The following HS1BP3 variants were observed in gnomAD, a reference collection of about 807,000 sequenced individuals.
HS1BP3 encodes HCLS1 binding protein 3, also known as HCLS1-binding protein 3.
HS1BP3 carries 32 observed loss-of-function variants against 33.5 expected under a neutral mutation model. The ratio of observed to expected loss-of-function variants is 0.95; its 90% CI spans 0.72 to 1.28. HS1BP3 has a LOEUF of 1.28. HS1BP3 is among the 50% of genes most tolerant of loss of function. The pLI is 0.00. For missense variants in HS1BP3, 486 were observed against 502.3 expected (o/e 0.97, Z 0.31); for synonymous variants, 187 against 209.2 (o/e 0.89, Z 0.92).
At chr2:20,569,906 C>T (rs1693224606) in intron 5 of HS1BP3, among the ~76,000 whole-genome samples, 1 of 152,260 alleles carries the variant, frequency 6.6e-6, no homozygotes, top group Non-Finnish European at 1.5e-5. Context: ...CTCCCCAGCC[C>T]CCAACAGTCT....
At chr2:20,569,093 C>T (rs1292465580) in intron 5 of HS1BP3, among the ~76,000 whole-genome samples, 2 of 152,104 alleles carry the variant, frequency 1.3e-5, no homozygotes, top group Admixed American at 6.5e-5. Context: ...AGCTCAGCCG[C>T]AGCCCAGCCC....
intron 5 of HS1BP3, among the ~76,000 whole-genome samples, chr2:20,582,639 C>T (rs1387785164): frequency 6.6e-6 from 1 of 152,100 alleles, no homozygotes; most frequent in Admixed American, 6.5e-5. Flanking sequence ...GGGGACCCCA[C>T]CCACCCTCTT....
At position 20,641,246 on chromosome 2, in the gene HS1BP3, G is replaced by A. The variant is rs549309946; in HGVS notation, c.199-66C>T. On this transcript the variant is annotated intron_variant, in intron 2 of 6. Coordinates refer to ENST00000304031, the MANE Select transcript of HS1BP3 (RefSeq NM_022460.4). ...GCAGGCAGTGCTCCTTTCTCACCCC[G>A]ACCAGGGGTTCCCAAGGCCCAGCAG... The A allele has an allele frequency of 2.5e-5, 36 of 1,425,332 alleles. No individual in the cohort carries two copies. In the African/African-American group the frequency reaches 2.7e-4, roughly 11 times the overall value. 88.3% of individuals were successfully genotyped at this position (1,425,332 alleles called of 1,614,324 possible). A position where few individuals can be genotyped will look rare whatever the true frequency, so the allele number is the denominator to read the frequency against.
chr2:20,568,411 C>T (rs933499763), intron 5 of HS1BP3, among the ~76,000 whole-genome samples: 4 of 152,064 alleles, frequency 2.6e-5, no homozygotes, highest in East Asian at 1.9e-4. Context: ...TGGAGCCGGG[C>T]GGGTAATGGA....
intron 2 of HS1BP3, among the ~76,000 whole-genome samples, chr2:20,608,171 T>C (rs1310688678): frequency 1.3e-5 from 2 of 152,358 alleles, no homozygotes; most frequent in South Asian, 2.1e-4. Context: ...TGTAAGATCA[T>C]GTCATCTGCA....
At chr2:20,613,177 AG>A, downstream of HS1BP3, among the ~76,000 whole-genome samples, 2 of 152,350 alleles carry the variant, frequency 1.3e-5, no homozygotes, top group Middle Eastern at 3.4e-3. Context: ...AGCACTTGTT[AG>A]GGGAAAATCA....
intron 5 of HS1BP3, among the ~76,000 whole-genome samples, chr2:20,573,085 C>A (rs1453753248): frequency 6.6e-6 from 1 of 152,190 alleles, no homozygotes; most frequent in African/African-American, 2.4e-5. Flanking sequence ...GAATGGTGTC[C>A]ACCCAAAAGA....
intron 1 of HS1BP3, among the ~76,000 whole-genome samples, chr2:20,650,457 C>G (rs1695657856): frequency 1.3e-5 from 2 of 152,228 alleles, no homozygotes; most frequent in Admixed American, 6.5e-5. Flanking sequence ...CTTGCGCTCT[C>G]CTGAGCTGCC....
chr2:20,618,922 T>C lies in HS1BP3; in HGVS notation c.*65A>G. The stretch of plus-strand genomic sequence containing the variant: ...GAGGTTCTGACCCTGCAGGGCCCAG[T>C]CCCTTCCCTTCACACCGATGTCCCC... On this transcript the variant is annotated 3_prime_UTR_variant, in exon 7 of 7. Coordinates refer to ENST00000304031, the MANE Select transcript of HS1BP3 (RefSeq NM_022460.4). The C allele has an allele frequency of 6.4e-7, 1 of 1,553,218 alleles. No homozygotes were observed. The highest frequency in any genetic ancestry group is 8.7e-7 in the Non-Finnish European group (1 of 1,149,570).
chr2:20,651,086 G>A lies in HS1BP3; in HGVS notation c.-23C>T. On this transcript the variant is annotated 5_prime_UTR_variant, in exon 1 of 7. Transcript: ENST00000304031. ...CATGACGGCGGCGGGGACTCCGGGC[G>A]GGGCGCGCAGTCACGGGACCCGGCA... is the stretch of plus-strand genomic sequence containing the variant. 3.3e-6 allele frequency: 4 copies of A among 1,229,452 alleles called. No individual in the cohort carries two copies. The highest frequency in any genetic ancestry group is 4.1e-6 in the Non-Finnish European group (4 of 986,276). The allele number at this position is 1,229,452 out of a possible 1,614,324, so 76.2% of individuals were successfully genotyped here.
downstream of HS1BP3, among the ~76,000 whole-genome samples, chr2:20,613,225 C>T (rs755482272): frequency 1.8e-4 from 27 of 152,212 alleles, no homozygotes; most frequent in Admixed American, 5.9e-4. Context: ...AAAACAGAAA[C>T]ACACTGTGGA....
chr2:20,637,028 G>GGCA (rs146650342), intron 4 of HS1BP3: 1 of 23,976 alleles, frequency 4.2e-5, no homozygotes, highest in Non-Finnish European at 1.1e-4. Flanking sequence ...GGAGGGGGCT[G>GGCA]CCCCCGCCCC....
chr2:20,641,317 G>T, intron 2 of HS1BP3, 137 bp from the exon 3 acceptor site: 1 of 705,150 alleles, frequency 1.4e-6, no homozygotes, highest in Non-Finnish European at 2.4e-6. Context: ...CCCTCTGCCT[G>T]TCTCCCAGCC....
intron 1 of HS1BP3, among the ~76,000 whole-genome samples, chr2:20,646,598 C>T (rs574725400): frequency 8.5e-5 from 13 of 152,382 alleles, no homozygotes; most frequent in Admixed American, 2.6e-4. Context: ...TATCCTCCCG[C>T]GGCGTAGGGC....
intron 3 of HS1BP3, chr2:20,592,853 T>C (rs1693850608): frequency 6.6e-6 from 1 of 152,264 alleles, no homozygotes; most frequent in Admixed American, 6.5e-5. Flanking sequence ...TTGAGATCCT[T>C]AATTTAATTT....
At chr2:20,558,435 C>T (rs948707517), downstream of HS1BP3, among the ~76,000 whole-genome samples, 4 of 152,156 alleles carry the variant, frequency 2.6e-5, no homozygotes, top group African/African-American at 9.7e-5. Flanking sequence ...CCTTATTGAG[C>T]ATCTTTGAGG....
chr2:20,628,285 G>T (rs1178490258), intron 4 of HS1BP3, among the ~76,000 whole-genome samples: 1 of 152,190 alleles, frequency 6.6e-6, no homozygotes, highest in African/African-American at 2.4e-5. Flanking sequence ...GCAGAGCAGG[G>T]TCACATAGAA....
At chr2:20,555,570 C>T (rs964493481), downstream of HS1BP3, among the ~76,000 whole-genome samples, 5 of 152,080 alleles carry the variant, frequency 3.3e-5, no homozygotes, top group Non-Finnish European at 7.4e-5. Flanking sequence ...AGACGAAAGC[C>T]CCAGAGGGAG....
downstream of HS1BP3, among the ~76,000 whole-genome samples, chr2:20,559,968 T>C (rs781045270): frequency 1.3e-5 from 2 of 152,068 alleles, no homozygotes; most frequent in Non-Finnish European, 2.9e-5. Context: ...TGAAGCACCC[T>C]GAGTCTCTAA....
Sources: gnomAD v4.1 joint callset for allele counts (sites outside exome capture counted in the v4.1 genomes callset) on GRCh38, gnomAD v4.1.1 for gene constraint, MANE v1.5 for transcripts, NCBI Gene and HGNC (gene_info 2026-07-23, HGNC 2026-07-21) for gene names.